Variants in PISD observed in about 807,000 individuals in gnomAD.
The protein encoded by PISD is phosphatidylserine decarboxylase proenzyme, mitochondrial.
Under a neutral mutation model 43.5 loss-of-function variants are expected in PISD, and 31 were observed. The ratio of observed to expected loss-of-function variants is 0.71; its 90% CI spans 0.54 to 0.96. PISD has a LOEUF of 0.96. Ranked by LOEUF, PISD falls within the 40% of genes least tolerant of loss-of-function variation. The pLI is 0.00. For synonymous variants in PISD, 259 were observed against 228.7 expected, an observed-to-expected ratio of 1.13 and a Z score of -1.20; for missense variants, 523 against 548.4, an observed-to-expected ratio of 0.95 and a Z score of 0.46.
intron 2 of PISD, among the ~76,000 whole-genome samples, chr22:31,649,699 C>T (rs2147789630): frequency 6.6e-6 from 1 of 152,224 alleles, no homozygotes; most frequent in Non-Finnish European, 1.5e-5. Flanking sequence ...CACCACTGCA[C>T]TCAGCCTGGG....
Position 31,619,485 on chromosome 22 carries a change from A to C in PISD, c.*127T>G. The C allele has an allele frequency of 2.7e-6, 2 of 734,538 alleles. No homozygotes were observed. The highest frequency in any genetic ancestry group is 1.5e-5 in the South Asian group (1 of 67,422). 45.5% of individuals were successfully genotyped at this position (734,538 alleles called of 1,614,324 possible). A position where few individuals can be genotyped will look rare whatever the true frequency, so the allele number is the denominator to read the frequency against. On this transcript the variant is annotated 3_prime_UTR_variant, in exon 8 of 8. Coordinates refer to ENST00000439502, the MANE Select transcript of PISD (RefSeq NM_001326411.2). ...GTGGTAGCCGAATCATTCAAGTCCT[A>C]CCTGGTCAGACTCCCAACCACGCTG...
rs1457236531 is a variant in PISD, at chr22:31,630,244, G to A, written c.322-8359C>T. Among the ~76,000 whole-genome samples, 1 of 152,078 alleles carries A rather than the reference G, an allele frequency of 6.6e-6. No homozygotes were observed. The highest frequency in any genetic ancestry group is 1.5e-5 in the Non-Finnish European group (1 of 68,002). On this transcript the variant is annotated intron_variant, in intron 3 of 7. Coordinates refer to ENST00000439502, the MANE Select transcript of PISD (RefSeq NM_001326411.2). The surrounding 1 kb of genome is among the most constrained non-coding windows in gnomAD (Gnocchi z 4.4). The stretch of plus-strand genomic sequence containing the variant: ...CAGGGGTCTATCCTAGCCGCCCAAA[G>A]ACAGGGAACCTCCTCTCAGACAACT...
chr22:31,620,948 AT>A, intron 6 of PISD, 47 bp downstream of exon 6: 1 of 1,567,626 alleles, frequency 6.4e-7, no homozygotes, highest in Non-Finnish European at 8.6e-7. Flanking sequence ...GAGAGCCTCT[AT>A]ATGAAGCCCA....
In PISD at chr22:31,662,128, C is replaced by A; in HGVS notation, c.65+16G>T. 6.2e-7 allele frequency: 1 copy of A among 1,606,638 alleles called. No homozygotes were observed. Among genetic ancestry groups the A allele is most frequent in the South Asian group, 1.1e-5 (1 of 91,062 alleles). ...GTTGCCCCACGCCCCAAGGTAGTCTCTCCGCGCTGCTATACCTGCTCCGCC... is the reference window on the plus strand; with the variant it reads ...GTTGCCCCACGCCCCAAGGTAGTCTATCCGCGCTGCTATACCTGCTCCGCC... On this transcript the variant is annotated intron_variant, in intron 1 of 7. Coordinates refer to ENST00000439502, the MANE Select transcript of PISD (RefSeq NM_001326411.2).
intron 2 of PISD, among the ~76,000 whole-genome samples, chr22:31,648,666 CAAA>C (rs60346600): frequency 7.1e-5 from 6 of 84,688 alleles, no homozygotes; most frequent in Admixed American, 1.3e-4. Flanking sequence ...GACTCCATTT[CAAA>C]AAAAAAAAAA....
At position 31,618,993 on chromosome 22, in the gene PISD, A is replaced by C. The variant is rs1479126010; in HGVS notation, c.*619T>G. ...AGGTCCTGCAAAGGTCTGTATCATT[A>C]ATCAGTGTCATCAGTGTCCTCAGAA... On this transcript the variant is annotated 3_prime_UTR_variant, in exon 8 of 8. Coordinates refer to ENST00000439502, the MANE Select transcript of PISD (RefSeq NM_001326411.2). 1.1e-5 allele frequency: 2 copies of C among 173,946 alleles called. No homozygotes were observed. The highest frequency in any genetic ancestry group is 4.8e-5 in the African/African-American group (2 of 41,688). The allele number at this position is 173,946 out of a possible 1,614,324, so 10.8% of individuals were successfully genotyped here. A position where few individuals can be genotyped will look rare whatever the true frequency, so the allele number is the denominator to read the frequency against.
intron 3 of PISD, among the ~76,000 whole-genome samples, chr22:31,645,598 G>A (rs2073861857): frequency 7.0e-6 from 1 of 142,344 alleles, no homozygotes; most frequent in Non-Finnish European, 1.5e-5. Context: ...GGCTTGTCTC[G>A]AACTCCTGAC....
rs2073932236 is a variant in PISD at position 31,648,094 on chromosome 22, T to C, written c.321+7A>G. 1 of 1,608,924 alleles carries C rather than the reference T, an allele frequency of 6.2e-7. No individual in the cohort carries two copies. Among genetic ancestry groups the C allele is most frequent in the Non-Finnish European group, 8.5e-7 (1 of 1,178,562 alleles). ...GAGAACCCAAGGCAGTTCCACCTCA[T>C]TCCTACCTCCCAGTGACCAGCAAGT... On this transcript the variant is annotated splice_region_variant and intron_variant, in intron 3 of 7. Coordinates refer to ENST00000439502, the MANE Select transcript of PISD (RefSeq NM_001326411.2).
At chr22:31,625,909 G>A in intron 3 of PISD, 9 of 1,537,888 alleles carry the variant, frequency 5.9e-6, no homozygotes, top group Non-Finnish European at 7.9e-6. Flanking sequence ...GATCTCCTGT[G>A]CTGTCACTGC....
intron 1 of PISD, among the ~76,000 whole-genome samples, chr22:31,655,928 C>T (rs1441841426): frequency 6.6e-6 from 1 of 152,130 alleles, no homozygotes; most frequent in Non-Finnish European, 1.5e-5. Flanking sequence ...TGAGCCACTG[C>T]ACCCAGCCCA....
chr22:31,629,148 A>T (rs2073065546), intron 3 of PISD: 1 of 984,620 alleles, frequency 1.0e-6, no homozygotes, highest in African/African-American at 1.7e-5. Flanking sequence ...AGTGGAATGG[A>T]ACATTCCAAC....
chr22:31,648,235 G>C lies in PISD; in HGVS notation c.187C>G (p.Leu63Val). The C allele has an allele frequency of 6.2e-7, 1 of 1,611,850 alleles. No homozygotes were observed. The highest frequency in any genetic ancestry group is 1.1e-5 in the South Asian group (1 of 90,824). Residue 63 changes from leucine (L) to valine (V), a missense_variant, in exon 3 of 8, where the codon CTG (leucine) becomes GTG (valine). Transcript: ENST00000439502. ...IHTAPARTMF[L>V]LRPLPILLVT... is the part of the protein sequence containing the mutation. Reference sequence around the variant, plus strand: ...AACAGAATGGGCAGGGGACGCAGCAGGAACATGGTTCGGGCAGGGGCAGTG... The same window carrying C: ...AACAGAATGGGCAGGGGACGCAGCACGAACATGGTTCGGGCAGGGGCAGTG...
At chr22:31,621,917 C>T (rs1369627420) in intron 3 of PISD, 32 bp from the exon 4 acceptor site, 3 of 1,494,610 alleles carry the variant, frequency 2.0e-6, no homozygotes, top group East Asian at 2.3e-5. Flanking sequence ...GCTGAGTTGA[C>T]CACACTGCCC....
At chr22:31,650,862 T>A in intron 1 of PISD, 84 bp from the exon 2 acceptor site, 1 of 783,760 alleles carries the variant, frequency 1.3e-6, no homozygotes, top group East Asian at 2.7e-5. Flanking sequence ...AAACACTCAA[T>A]AACAATATTG....
At chr22:31,623,544 A>C in intron 3 of PISD, 1 of 874,450 alleles carries the variant, frequency 1.1e-6, no homozygotes, top group Non-Finnish European at 1.7e-6. Context: ...CCACCAATGA[A>C]CCTTCCGACC....
intron 6 of PISD, 55 bp downstream of exon 6, chr22:31,620,941 A>C: frequency 1.9e-6 from 3 of 1,546,576 alleles, no homozygotes; most frequent in Non-Finnish European, 2.6e-6. Flanking sequence ...AGAAGCTGAG[A>C]GCCTCTATAT....
intron 6 of PISD, 131 bp downstream of exon 6, chr22:31,620,865 G>T: frequency 1.4e-6 from 2 of 1,380,872 alleles, no homozygotes; most frequent in Non-Finnish European, 2.0e-6. Context: ...CCCACAACCA[G>T]CCTGCATAAA....
At chr22:31,633,821 T>C (rs62237849) in intron 3 of PISD, among the ~76,000 whole-genome samples, 7,010 of 152,282 alleles carry the variant, frequency 0.046, 142 homozygotes, top group Non-Finnish European at 0.053. Context: ...ACCACACATA[T>C]TTTCAGTGGG....
In PISD at chr22:31,623,821, G is replaced by A. The variant is rs747680892; in HGVS notation, c.322-1936C>T. 45 of 1,613,708 alleles carry A rather than the reference G, an allele frequency of 2.8e-5. No individual in the cohort carries two copies. Among genetic ancestry groups the A allele is most frequent in the Non-Finnish European group, 3.4e-5 (40 of 1,179,898 alleles). On this transcript the variant is annotated intron_variant, in intron 3 of 7. Coordinates refer to ENST00000439502, the MANE Select transcript of PISD (RefSeq NM_001326411.2). The stretch of plus-strand genomic sequence containing the variant: ...ATGCAGCTCAGCTGCCCCAGCCTCC[G>A]CCTCAGGGCCAGCTGGGGGAAGTGC...
Sources: allele counts gnomAD v4.1 joint callset (sites outside exome capture counted in the v4.1 genomes callset), GRCh38; gene constraint gnomAD v4.1.1; non-coding constraint Gnocchi (gnomAD v3.1); transcripts MANE v1.5; gene names NCBI Gene and HGNC (gene_info 2026-07-23, HGNC 2026-07-21).